PPFIBP2: variants seen among roughly 807,000 people sequenced by gnomAD.
The protein encoded by PPFIBP2 is liprin-beta-2.
Under a neutral mutation model 118.3 loss-of-function variants are expected in PPFIBP2, and 118 were observed. That is an observed-to-expected ratio of 1.00 (90% CI 0.86 to 1.16). The LOEUF is 1.16. PPFIBP2 is among the 50% of genes most tolerant of loss of function. The probability of loss-of-function intolerance (pLI) is 0.00; values close to 1 mark genes in which losing one functional copy is unlikely to be tolerated. For missense variants in PPFIBP2, 1,195 were observed against 1,073.1 expected, an observed-to-expected ratio of 1.11 and a Z score of -1.59; for synonymous variants, 414 against 397.4, an observed-to-expected ratio of 1.04 and a Z score of -0.50.
At chr11:7,533,634 G>T (rs1850951209) in intron 1 of PPFIBP2, among the ~76,000 whole-genome samples, 1 of 152,242 alleles carries the variant, frequency 6.6e-6, no homozygotes, top group South Asian at 2.1e-4. Flanking sequence ...CAGGGATGAG[G>T]GGTAATGGTG....
At chr11:7,664,152 C>T in the PPFIBP2 span, among the ~76,000 whole-genome samples, 551 of 152,276 alleles carry the variant, frequency 3.6e-3, 5 homozygotes, top group South Asian at 0.023. Context: ...TGTTCCTATT[C>T]GGCCGTCTTG....
At position 7,653,160 on chromosome 11, in the gene PPFIBP2, T is replaced by A; in HGVS notation, c.2573T>A (p.Leu858His). 6.2e-7 allele frequency: 1 copy of A among 1,614,216 alleles called. No homozygotes were observed. The highest frequency in any genetic ancestry group is 1.3e-5 in the African/African-American group (1 of 75,074). The change falls in exon 24 of 24, where the codon CTC becomes CAC. Residue 858 changes from leucine to histidine, a missense_variant. Leu to His is a moderately conservative substitution (Grantham distance 99). Coordinates refer to ENST00000299492, the MANE Select transcript of PPFIBP2 (RefSeq NM_003621.5). The stretch of plus-strand genomic sequence containing the variant: ...AGGGTCTACAGTGGCTACCGGGGCC[T>A]CAGCCCCCTTGATGCCCCTGAACTG... ...SHRVYSGYRG[L>H]SPLDAPELDG...
the PPFIBP2 span, chr11:7,665,514 C>A: frequency 6.2e-7 from 1 of 1,612,356 alleles, no homozygotes; most frequent in Non-Finnish European, 8.5e-7. Context: ...TTGATCATGT[C>A]GGCAGTAACG....
chr11:7,597,502 C>T, intron 4 of PPFIBP2, 58 bp from the exon 5 acceptor site: 3 of 1,556,614 alleles, frequency 1.9e-6, no homozygotes, highest in Non-Finnish European at 2.6e-6. Flanking sequence ...GGTGGGGAGG[C>T]TTTCCTGCAC....
chr11:7,634,510 C>A lies in PPFIBP2; in HGVS notation c.1152C>A (p.Leu384=). Residue 384 remains leucine (L), a synonymous_variant, in exon 13 of 24, where the codon CTC becomes CTA. Transcript: ENST00000299492. ...TTTTTTTCAGGGCTCAGAAAAAGCT[C>A]TCTTGTAGTCTAGAAGACTTGAGAA... ...KSLETRAQKK[L]SCSLEDLRSE... The A allele has an allele frequency of 6.2e-7, 1 of 1,612,990 alleles. No individual in the cohort carries two copies. The highest frequency in any genetic ancestry group is 8.5e-7 in the Non-Finnish European group (1 of 1,178,978).
At chr11:7,640,545 C>T (rs1400226903) in intron 15 of PPFIBP2, among the ~76,000 whole-genome samples, 2 of 152,242 alleles carry the variant, frequency 1.3e-5, no homozygotes, top group Admixed American at 1.3e-4. Flanking sequence ...TGAGGCTCCT[C>T]AGCCTCAGCT....
chr11:7,580,273 T>C (rs777329236), intron 3 of PPFIBP2, among the ~76,000 whole-genome samples: 9 of 152,202 alleles, frequency 5.9e-5, no homozygotes, highest in African/African-American at 2.2e-4. Context: ...CCACCTCCTG[T>C]AGCCCAGGTC....
rs776975295 is a variant in PPFIBP2 at position 7,597,629 on chromosome 11, G to C, written c.442G>C (p.Gly148Arg). ...KIRDLEVCLE[G>R]HQVKLNAAEE... ...TCGAGACCTGGAAGTGTGTCTGGAA[G>C]GACACCAGGTGAAACTCAATGCTGC... Residue 148 changes from glycine to arginine, a missense_variant, in exon 5 of 24, where the codon GGA becomes CGA. Transcript: ENST00000299492. 6.8e-6 allele frequency: 11 copies of C among 1,614,120 alleles called. No homozygotes were observed. Among genetic ancestry groups the C allele is most frequent in the Non-Finnish European group, 9.3e-6 (11 of 1,180,014 alleles).
At position 7,614,641 on chromosome 11, in the gene PPFIBP2, G is replaced by T. The variant is rs186560850; in HGVS notation, c.618+4219G>T. 2.4e-3 allele frequency among the ~76,000 whole-genome samples: 372 copies of T among 152,242 alleles called. 1 individual carries two copies. Among genetic ancestry groups the T allele is most frequent in the Non-Finnish European group, 2.1e-3 (143 of 68,016 alleles). On this transcript the variant is annotated intron_variant, in intron 6 of 23. Transcript: ENST00000299492. ...TATGGGTCAAGGAGTACATGAACTT[G>T]AAATTTTGACAGATATTTCCAAATT...
intron 1 of PPFIBP2, among the ~76,000 whole-genome samples, chr11:7,532,635 C>T (rs1343720796): frequency 2.6e-5 from 4 of 152,204 alleles, no homozygotes; most frequent in African/African-American, 7.2e-5. Context: ...GTGTGGCCCT[C>T]GGAACTCCAG....
intron 3 of PPFIBP2, among the ~76,000 whole-genome samples, chr11:7,578,864 A>G (rs529206670): frequency 6.6e-6 from 1 of 152,298 alleles, no homozygotes; most frequent in East Asian, 1.9e-4. Flanking sequence ...TCCTAAAGCA[A>G]GATGGAGTCT....
At chr11:7,539,931 GTTTTGAATC>G (rs1451045092) in intron 1 of PPFIBP2, among the ~76,000 whole-genome samples, 1 of 152,210 alleles carries the variant, frequency 6.6e-6, no homozygotes, top group African/African-American at 2.4e-5. Flanking sequence ...CTCCCACCCA[GTTTTGAATC>G]TCTACAGTCC....
intron 2 of PPFIBP2, among the ~76,000 whole-genome samples, chr11:7,555,202 G>A (rs1020638659): frequency 1.3e-5 from 2 of 152,090 alleles, no homozygotes; most frequent in African/African-American, 4.8e-5. Flanking sequence ...ACGTGGTCAG[G>A]ACACAGAAGG....
chr11:7,638,649 A>G (rs553148763), intron 14 of PPFIBP2, among the ~76,000 whole-genome samples: 7 of 152,272 alleles, frequency 4.6e-5, no homozygotes, highest in Admixed American at 3.9e-4. Context: ...TGTTTTTTAT[A>G]TTACTTTCTT....
chr11:7,580,092 C>A (rs992058309), intron 3 of PPFIBP2, among the ~76,000 whole-genome samples: 8 of 152,182 alleles, frequency 5.3e-5, no homozygotes, highest in South Asian at 2.1e-4. Flanking sequence ...CCAACCTCAA[C>A]TTACCTTTTT....
At position 7,616,382 on chromosome 11, in the gene PPFIBP2, C is replaced by T. The variant is rs917914223; in HGVS notation, c.619-4553C>T. On this transcript the variant is annotated intron_variant, in intron 6 of 23. Transcript: ENST00000299492. The surrounding 1 kb of genome is among the most constrained non-coding windows in gnomAD (Gnocchi z 5.2). The stretch of plus-strand genomic sequence containing the variant: ...TTTGATAGATTCAGTAAATTTTAGT[C>T]TGTTGAGTTTGGGGCCAACTCTATG... Among the ~76,000 whole-genome samples the T allele has an allele frequency of 4.6e-5, 7 of 152,126 alleles. No homozygotes were observed. The highest frequency in any genetic ancestry group is 1.4e-4 in the African/African-American group (6 of 41,412).
intron 7 of PPFIBP2, among the ~76,000 whole-genome samples, chr11:7,623,911 G>C (rs998456815): frequency 6.6e-6 from 1 of 152,210 alleles, no homozygotes; most frequent in Non-Finnish European, 1.5e-5. Context: ...TTTGCCCTGA[G>C]TGAGCTCTGA....
At position 7,516,331 on chromosome 11, in the gene PPFIBP2, G is replaced by T. The variant is rs148049995; in HGVS notation, c.-37+2210G>T. ...GTGATGAGGTGGGGACAGGTAGGGA[G>T]ACTTCGGAGAGATAGAATCTGTAGG... is the stretch of plus-strand genomic sequence containing the variant. On this transcript the variant is annotated intron_variant, in intron 1 of 23. Transcript: ENST00000299492. 6.6e-5 allele frequency among the ~76,000 whole-genome samples: 10 copies of T among 152,256 alleles called. No individual in the cohort carries two copies. In the East Asian group the frequency reaches 1.9e-3, roughly 29 times the overall value.
intron 3 of PPFIBP2, among the ~76,000 whole-genome samples, chr11:7,586,122 C>T (rs1004548735): frequency 6.6e-5 from 10 of 152,136 alleles, no homozygotes; most frequent in Non-Finnish European, 1.2e-4. Flanking sequence ...GTGGGTTCTG[C>T]GTTGTCACTG....
Sources: gnomAD v4.1 joint callset for allele counts (sites outside exome capture counted in the v4.1 genomes callset) on GRCh38, gnomAD v4.1.1 for gene constraint, Gnocchi (gnomAD v3.1) non-coding constraint, MANE v1.5 for transcripts, NCBI Gene and HGNC (gene_info 2026-07-23, HGNC 2026-07-21) for gene names.